The following CTIF variants were observed in gnomAD, a reference collection of about 807,000 sequenced individuals.
The protein encoded by CTIF is cap binding complex dependent translation initiation factor, also known as CBP80/20-dependent translation initiation factor.
In CTIF, 21 loss-of-function variants were observed where a neutral mutation model predicts 66.0. The observed-to-expected ratio is 0.32, with a 90% CI of 0.23 to 0.46. The LOEUF (loss-of-function observed/expected upper bound fraction) is 0.46, where lower values mean the gene tolerates loss of function less well. Ranked by LOEUF, CTIF falls within the 20% of genes least tolerant of loss-of-function variation. The probability of loss-of-function intolerance (pLI) is 1.00; values close to 1 mark genes in which losing one functional copy is unlikely to be tolerated. For missense variants in CTIF, 739 were observed against 812.7 expected (o/e 0.91, Z 1.10); for synonymous variants, 345 against 326.4 (o/e 1.06, Z -0.62).
At chr18:48,626,656 G>GCTTT (rs373460550) in intron 2 of CTIF, among the ~76,000 whole-genome samples, 2 of 108,060 alleles carry the variant, frequency 1.9e-5, no homozygotes, top group Non-Finnish European at 1.8e-5. Flanking sequence ...TTTTTTTTTT[G>GCTTT]TTTTTTTTTT....
At chr18:48,735,586 G>A (rs2092493820) in intron 7 of CTIF, among the ~76,000 whole-genome samples, 1 of 152,166 alleles carries the variant, frequency 6.6e-6, no homozygotes, top group Non-Finnish European at 1.5e-5. Flanking sequence ...AGGGGAAAGA[G>A]GGAAGGAGGT....
At chr18:48,622,381 G>A (rs573779940) in intron 2 of CTIF, among the ~76,000 whole-genome samples, 1 of 152,028 alleles carries the variant, frequency 6.6e-6, no homozygotes, top group Non-Finnish European at 1.5e-5. Flanking sequence ...GGGAGTGTGT[G>A]GGGGAGAGGG....
At position 48,859,355 on chromosome 18, in the gene CTIF, A is replaced by G. The variant is rs1258507876; in HGVS notation, c.1593A>G (p.Thr531=). The change falls in exon 12 of 12, where the codon ACA becomes ACG. Residue 531 remains threonine, a synonymous_variant. Transcript: ENST00000256413. ...ATCTCTGTCTGCAGCTGCAGAGTAC[A>G]GGCCGGCTGCTGGAGGAACAGCTGC... ...VLCCSMELQS[T]GRLLEEQLPE... 3.7e-6 allele frequency: 6 copies of G among 1,614,004 alleles called. No individual in the cohort carries two copies. In the African/African-American group the frequency reaches 6.7e-5, roughly 18 times the overall value.
At chr18:48,802,328 G>A (rs1034426488) in intron 9 of CTIF, among the ~76,000 whole-genome samples, 14 of 152,158 alleles carry the variant, frequency 9.2e-5, no homozygotes, top group Admixed American at 3.9e-4. Context: ...CCAAGCCCTC[G>A]GCCTCTCTCC....
intron 9 of CTIF, among the ~76,000 whole-genome samples, chr18:48,809,707 C>G (rs1474801565): frequency 6.6e-6 from 1 of 151,940 alleles, no homozygotes; most frequent in African/African-American, 2.4e-5. Flanking sequence ...GTAATTCTTT[C>G]ATAACTTTCA....
chr18:48,750,914 G>A (rs1366999620), intron 7 of CTIF, among the ~76,000 whole-genome samples: 1 of 152,230 alleles, frequency 6.6e-6, no homozygotes, highest in Non-Finnish European at 1.5e-5. Context: ...TGTGGTGGCT[G>A]AGGGCACACA....
chr18:48,834,062 C>G (rs562269020), intron 10 of CTIF, among the ~76,000 whole-genome samples: 109 of 150,308 alleles, frequency 7.3e-4, no homozygotes, highest in Non-Finnish European at 1.5e-3. Context: ...CGTTCTCTTC[C>G]TTTCCCTTCT....
Position 48,608,626 on chromosome 18 carries a change from G to T in CTIF, c.-28-10912G>T, listed in dbSNP as rs560596136. On this transcript the variant is annotated intron_variant, in intron 1 of 11. Transcript: ENST00000256413. Reference sequence around the variant, plus strand: ...TTCTTGAGGATGAGTAGAGAGAAAGGGTTGCTGTTCTCGAACGTGAGCCAG... The same window carrying T: ...TTCTTGAGGATGAGTAGAGAGAAAGTGTTGCTGTTCTCGAACGTGAGCCAG... Among the ~76,000 whole-genome samples the T allele has an allele frequency of 1.2e-4, 19 of 152,324 alleles. No homozygotes were observed. In the South Asian group the frequency reaches 3.9e-3, roughly 32 times the overall value.
chr18:48,669,841 A>ATATATATATATAT (rs2091499368), intron 5 of CTIF, among the ~76,000 whole-genome samples: 1 of 116,502 alleles, frequency 8.6e-6, no homozygotes, highest in Non-Finnish European at 1.8e-5. Flanking sequence ...ATATATATAT[A>ATATATATATATAT]AGCTAGACTA....
intron 10 of CTIF, among the ~76,000 whole-genome samples, chr18:48,839,258 C>T (rs926745086): frequency 2.0e-5 from 3 of 152,184 alleles, no homozygotes; most frequent in African/African-American, 7.2e-5. Flanking sequence ...TCACTTTTCT[C>T]CCTGCCTGTG....
At chr18:48,719,447 T>G (rs888602266) in intron 7 of CTIF, among the ~76,000 whole-genome samples, 2 of 152,208 alleles carry the variant, frequency 1.3e-5, no homozygotes, top group Admixed American at 1.3e-4. Context: ...GAGTCCTATA[T>G]CTATACATCA....
intron 10 of CTIF, among the ~76,000 whole-genome samples, chr18:48,839,020 G>A (rs1022369491): frequency 6.6e-6 from 1 of 152,166 alleles, no homozygotes; most frequent in African/African-American, 2.4e-5. Flanking sequence ...CTACAGCCCC[G>A]AGGCCATCCC....
chr18:48,734,571 AAAAAT>A (rs767947908), intron 7 of CTIF, among the ~76,000 whole-genome samples: 28 of 152,376 alleles, frequency 1.8e-4, no homozygotes, highest in African/African-American at 6.3e-4. Context: ...CTCTGTCTCA[AAAAAT>A]AAAATAAAAT....
At chr18:48,857,933 G>A (rs1193233457) in intron 11 of CTIF, among the ~76,000 whole-genome samples, 1 of 152,230 alleles carries the variant, frequency 6.6e-6, no homozygotes, top group Non-Finnish European at 1.5e-5. Context: ...GCTCAGGCAT[G>A]CCACACAAAT....
At chr18:48,581,101 C>T (rs1295281044) in intron 1 of CTIF, among the ~76,000 whole-genome samples, 1 of 152,228 alleles carries the variant, frequency 6.6e-6, no homozygotes, top group Admixed American at 6.5e-5. Context: ...AGCATCAGCT[C>T]TCTAATATCC....
intron 1 of CTIF, chr18:48,565,162 G>C (rs930552037): frequency 6.6e-6 from 1 of 152,160 alleles, no homozygotes; most frequent in Non-Finnish European, 1.5e-5. Context: ...GTCACCGTCT[G>C]TGTGTGTCTT....
chr18:48,549,972 G>T (rs1019862296), intron 1 of CTIF, among the ~76,000 whole-genome samples: 1 of 152,132 alleles, frequency 6.6e-6, no homozygotes, highest in African/African-American at 2.4e-5. Flanking sequence ...TATTGTTGAG[G>T]TTTTTGTTTG....
chr18:48,863,147 T>C lies in CTIF; in HGVS notation c.*3588T>C, dbSNP rs956725668. ...TGCGACCACCCTCCCTCCGTCGGTA[T>C]GTCCTGCTTTCCAGCTGAACCCAAA... On this transcript the variant is annotated 3_prime_UTR_variant, in exon 12 of 12. Transcript: ENST00000256413. The C allele has an allele frequency of 3.3e-5, 5 of 152,334 alleles. No homozygotes were observed. The highest frequency in any genetic ancestry group is 5.9e-5 in the Non-Finnish European group (4 of 68,030). 9.4% of individuals were successfully genotyped at this position (152,334 alleles called of 1,614,324 possible).
intron 7 of CTIF, among the ~76,000 whole-genome samples, chr18:48,726,464 G>C (rs539910630): frequency 1.3e-5 from 2 of 152,166 alleles, no homozygotes; most frequent in Admixed American, 6.5e-5. Flanking sequence ...TCAGCCAGGG[G>C]TGTAGGCATC....
Sources: allele counts gnomAD v4.1 joint callset (sites outside exome capture counted in the v4.1 genomes callset), GRCh38; gene constraint gnomAD v4.1.1; transcripts MANE v1.5; gene names NCBI Gene and HGNC (gene_info 2026-07-23, HGNC 2026-07-21).